SLC25A26: variants seen among roughly 807,000 people sequenced by gnomAD.
SLC25A26 encodes mitochondrial S-adenosylmethionine carrier protein.
Under a neutral mutation model 37.8 loss-of-function variants are expected in SLC25A26, and 36 were observed. The observed-to-expected ratio is 0.95, with a 90% CI of 0.73 to 1.26. SLC25A26 has a LOEUF of 1.26. Among genes scored for constraint, SLC25A26 ranks in the 50% most tolerant of loss-of-function variants. SLC25A26 has a pLI of 0.00. For synonymous variants in SLC25A26, 129 were observed against 122.5 expected (o/e 1.05, Z -0.35); for missense variants, 390 against 331.1 (o/e 1.18, Z -1.38).
At chr3:66,371,733 A>T (rs7631234) in intron 9 of SLC25A26, among the ~76,000 whole-genome samples, 21,517 of 152,096 alleles carry the variant, frequency 0.14, 1,875 homozygotes, top group Non-Finnish European at 0.2. Flanking sequence ...TTCTGCTGCC[A>T]GTTCCACAGC....
chr3:66,377,559 G>C (rs1175571175), intron 9 of SLC25A26, 131 bp from the exon 10 acceptor site: 1 of 626,594 alleles, frequency 1.6e-6, no homozygotes, highest in East Asian at 2.6e-5. Context: ...CCTTATTTGG[G>C]AGCGTTCACA....
intron 5 of SLC25A26, among the ~76,000 whole-genome samples, chr3:66,317,886 C>G (rs1216473585): frequency 6.6e-6 from 1 of 152,150 alleles, no homozygotes; most frequent in Non-Finnish European, 1.5e-5. Context: ...ATCAGTCTGG[C>G]CAAGAACTGA....
intron 5 of SLC25A26, among the ~76,000 whole-genome samples, chr3:66,299,986 C>A (rs2075024686): frequency 6.6e-6 from 1 of 152,114 alleles, no homozygotes; most frequent in Non-Finnish European, 1.5e-5. Flanking sequence ...CCATCTGGAA[C>A]TTTATTTTCT....
At chr3:66,348,273 A>G (rs1263535800) in intron 6 of SLC25A26, among the ~76,000 whole-genome samples, 1 of 152,254 alleles carries the variant, frequency 6.6e-6, no homozygotes, top group African/African-American at 2.4e-5. Context: ...CTTTGTCAGC[A>G]TTTTAAAGAC....
chr3:66,356,415 T>A (rs975916563), intron 6 of SLC25A26, among the ~76,000 whole-genome samples: 1 of 152,208 alleles, frequency 6.6e-6, no homozygotes, highest in Admixed American at 6.5e-5. Context: ...CCTGATTGTT[T>A]TTGTAGTGGT....
intron 1 of SLC25A26, among the ~76,000 whole-genome samples, chr3:66,148,010 G>C (rs1433081399): frequency 6.6e-6 from 1 of 152,126 alleles, no homozygotes; most frequent in Non-Finnish European, 1.5e-5. Context: ...GCCCACCTCA[G>C]CCTCCCAAAG....
rs141259442 is a variant in SLC25A26, at chr3:66,278,025, A to G, written c.453+14646A>G. Among the ~76,000 whole-genome samples, 108 of 152,242 alleles carry G rather than the reference A, an allele frequency of 7.1e-4. 1 individual carries two copies. Among genetic ancestry groups the G allele is most frequent in the Admixed American group, 1.4e-3 (21 of 15,274 alleles). Reference sequence around the variant, plus strand: ...GTAGGATCCTGGATTTGATCCTGGAACAGAAAAGATTTTGGGAAAAACTGG... The same window carrying G: ...GTAGGATCCTGGATTTGATCCTGGAGCAGAAAAGATTTTGGGAAAAACTGG... On this transcript the variant is annotated intron_variant, in intron 5 of 9. Transcript: ENST00000354883.
intron 1 of SLC25A26, among the ~76,000 whole-genome samples, chr3:66,209,065 T>C (rs1206848408): frequency 4.3e-4 from 12 of 27,756 alleles, no homozygotes; most frequent in African/African-American, 1.5e-3. Flanking sequence ...TATATATATA[T>C]ACACACACAC....
intron 1 of SLC25A26, among the ~76,000 whole-genome samples, chr3:66,189,995 A>AC (rs2070906246): frequency 6.6e-6 from 1 of 151,930 alleles, no homozygotes; most frequent in Admixed American, 6.6e-5. Flanking sequence ...CTGCTTTGAT[A>AC]TGTGGTCTCC....
In SLC25A26 at chr3:66,316,037, G is replaced by A. The variant is rs12638102; in HGVS notation, c.454-30327G>A. ...ATGTGAGATGGGTCTCTTGAATACA[G>A]CACAGCAATGGATCTTGACTCTTTA... On this transcript the variant is annotated intron_variant, in intron 5 of 9. Coordinates refer to ENST00000354883, the MANE Select transcript of SLC25A26 (RefSeq NM_001379210.1). 0.044 allele frequency among the ~76,000 whole-genome samples: 6,686 copies of A among 152,252 alleles called. 1,273 individuals carry two copies. In the East Asian group the frequency reaches 0.61, roughly 14 times the overall value.
chr3:66,222,807 A>G (rs1282981317), intron 1 of SLC25A26, among the ~76,000 whole-genome samples: 1 of 152,194 alleles, frequency 6.6e-6, no homozygotes, highest in Non-Finnish European at 1.5e-5. Flanking sequence ...AAAGGTTGCA[A>G]TTGCTAAAAC....
chr3:66,302,778 T>A (rs1201966337), intron 5 of SLC25A26, among the ~76,000 whole-genome samples: 2 of 152,214 alleles, frequency 1.3e-5, no homozygotes, highest in Admixed American at 6.5e-5. Flanking sequence ...CATATTTAAG[T>A]TCAAACCAAA....
intron 1 of SLC25A26, among the ~76,000 whole-genome samples, chr3:66,210,410 T>G (rs1184627666): frequency 6.6e-6 from 1 of 152,104 alleles, no homozygotes; most frequent in African/African-American, 2.4e-5. Context: ...ACAGTCTCCC[T>G]TAGGAAACCA....
chr3:66,206,762 G>A (rs974340177), intron 1 of SLC25A26, among the ~76,000 whole-genome samples: 31 of 150,740 alleles, frequency 2.1e-4, no homozygotes, highest in Non-Finnish European at 4.1e-4. Context: ...GGGTGTAGTG[G>A]CATGCACTCC....
At chr3:66,247,475 T>C (rs941703542) in intron 3 of SLC25A26, among the ~76,000 whole-genome samples, 2 of 152,002 alleles carry the variant, frequency 1.3e-5, no homozygotes, top group Admixed American at 1.3e-4. Flanking sequence ...GCCTGGCTAA[T>C]TTTTTAAAAC....
chr3:66,351,864 T>C (rs1559729264), intron 6 of SLC25A26, among the ~76,000 whole-genome samples: 1 of 152,176 alleles, frequency 6.6e-6, no homozygotes. Context: ...CTTGTTTGAA[T>C]TGCTACACTG....
At chr3:66,193,759 G>T (rs1404268001) in intron 1 of SLC25A26, among the ~76,000 whole-genome samples, 1 of 152,218 alleles carries the variant, frequency 6.6e-6, no homozygotes, top group Admixed American at 6.5e-5. Context: ...TCATTGAAAA[G>T]ACAAGACCTA....
At chr3:66,260,398 T>C (rs914392997) in intron 3 of SLC25A26, among the ~76,000 whole-genome samples, 9 of 152,224 alleles carry the variant, frequency 5.9e-5, no homozygotes, top group Non-Finnish European at 1.0e-4. Context: ...GACAGCTTTA[T>C]ACATAAGAAG....
intron 5 of SLC25A26, among the ~76,000 whole-genome samples, chr3:66,320,746 G>C (rs1280792762): frequency 6.6e-6 from 1 of 152,066 alleles, no homozygotes; most frequent in African/African-American, 2.4e-5. Context: ...TTGTTATTTT[G>C]TTTTTTCTCT....
Sources: gnomAD v4.1 joint callset for allele counts (sites outside exome capture counted in the v4.1 genomes callset) on GRCh38, gnomAD v4.1.1 for gene constraint, MANE v1.5 for transcripts, NCBI Gene and HGNC (gene_info 2026-07-23, HGNC 2026-07-21) for gene names.